GPC5: variants seen among roughly 807,000 people sequenced by gnomAD.
GPC5 encodes glypican 5, also known as glypican-5.
GPC5 carries 47 observed loss-of-function variants against 53.9 expected under a neutral mutation model. The ratio of observed to expected loss-of-function variants is 0.87; its 90% CI spans 0.69 to 1.11. The LOEUF is 1.11. Ranked by LOEUF, GPC5 falls within the 50% of genes most tolerant of loss-of-function variation. The probability of loss-of-function intolerance (pLI) is 0.00; values close to 1 mark genes in which losing one functional copy is unlikely to be tolerated. For synonymous variants in GPC5, 286 were observed against 263.3 expected (o/e 1.09, Z -0.84); for missense variants, 748 against 713.1 (o/e 1.05, Z -0.56).
intron 2 of GPC5, among the ~76,000 whole-genome samples, chr13:91,641,822 A>G (rs1430472332): frequency 2.0e-5 from 3 of 152,336 alleles, no homozygotes; most frequent in Non-Finnish European, 2.9e-5. Context: ...AGCTATAGGG[A>G]ACACTGAGTT....
At chr13:92,157,435 G>T (rs1402089185) in intron 7 of GPC5, among the ~76,000 whole-genome samples, 1 of 152,098 alleles carries the variant, frequency 6.6e-6, no homozygotes, top group Admixed American at 6.5e-5. Flanking sequence ...TGAAAGTTAG[G>T]CTGCTTCCCT....
chr13:92,210,067 T>C (rs1190959920), intron 7 of GPC5, among the ~76,000 whole-genome samples: 2 of 152,106 alleles, frequency 1.3e-5, no homozygotes, highest in Non-Finnish European at 2.9e-5. Context: ...CCCACCCAGA[T>C]TGAGGGTGGA....
chr13:92,852,006 T>A (rs1373152099), intron 7 of GPC5, among the ~76,000 whole-genome samples: 4 of 151,480 alleles, frequency 2.6e-5, no homozygotes, highest in Admixed American at 6.6e-5. Flanking sequence ...CCAAAATGCA[T>A]GAAACAGAAA....
At chr13:92,142,856 G>A (rs2041841337) in intron 6 of GPC5, among the ~76,000 whole-genome samples, 1 of 152,130 alleles carries the variant, frequency 6.6e-6, no homozygotes, top group African/African-American at 2.4e-5. Context: ...AAAGAAAGCA[G>A]CATATCACCA....
At chr13:92,003,076 C>T (rs2040570230) in intron 6 of GPC5, among the ~76,000 whole-genome samples, 1 of 152,016 alleles carries the variant, frequency 6.6e-6, no homozygotes, top group Non-Finnish European at 1.5e-5. Flanking sequence ...TTTGGGAGGC[C>T]AAGGCGGGTG....
intron 7 of GPC5, among the ~76,000 whole-genome samples, chr13:92,746,990 TTAC>T (rs1244186222): frequency 2.0e-5 from 3 of 152,124 alleles, no homozygotes; most frequent in Non-Finnish European, 2.9e-5. Context: ...ATACAGCAAG[TTAC>T]TACATTACAT....
chr13:91,800,247 A>T (rs1261044841), intron 5 of GPC5, among the ~76,000 whole-genome samples: 1 of 152,154 alleles, frequency 6.6e-6, no homozygotes, highest in African/African-American at 2.4e-5. Flanking sequence ...AAAAATAAAG[A>T]CACAATATTT....
At chr13:92,843,292 C>G (rs1037725551) in intron 7 of GPC5, among the ~76,000 whole-genome samples, 1 of 152,134 alleles carries the variant, frequency 6.6e-6, no homozygotes, top group Non-Finnish European at 1.5e-5. Context: ...TAAACAATCC[C>G]TTAGAAACAT....
intron 7 of GPC5, among the ~76,000 whole-genome samples, chr13:92,577,945 G>A (rs2139049427): frequency 6.6e-6 from 1 of 152,258 alleles, no homozygotes; most frequent in South Asian, 2.1e-4. Context: ...ATTATTTTAG[G>A]CTTTTTAAAA....
chr13:91,918,995 A>T (rs2039685610), intron 6 of GPC5, among the ~76,000 whole-genome samples: 1 of 152,164 alleles, frequency 6.6e-6, no homozygotes, highest in Admixed American at 6.5e-5. Context: ...GTATTGGGTT[A>T]GCAAACTGAA....
chr13:92,591,650 A>G (rs894813789), intron 7 of GPC5, among the ~76,000 whole-genome samples: 1 of 152,138 alleles, frequency 6.6e-6, no homozygotes, highest in Admixed American at 6.5e-5. Context: ...ATATATCATC[A>G]TTAGTTATAG....
intron 6 of GPC5, among the ~76,000 whole-genome samples, chr13:91,973,640 T>A (rs1333991677): frequency 2.0e-5 from 3 of 151,050 alleles, no homozygotes; most frequent in South Asian, 2.1e-4. Context: ...TACAGATGGG[T>A]TTTTGGTGTG....
chr13:92,592,354 C>CAAAG (rs1438155676), intron 7 of GPC5, among the ~76,000 whole-genome samples: 11 of 151,614 alleles, frequency 7.3e-5, no homozygotes, highest in Non-Finnish European at 1.0e-4. Context: ...TCTAAGAAGT[C>CAAAG]AAAGAAAGAA....
At chr13:91,552,834 A>G (rs1832188) in intron 2 of GPC5, among the ~76,000 whole-genome samples, 130,787 of 152,046 alleles carry the variant, frequency 0.86, 57,630 homozygotes, top group East Asian at 1. Flanking sequence ...CAGTTTTGGG[A>G]CCAGTTTATG....
At chr13:92,354,375 C>T (rs1251801238) in intron 7 of GPC5, among the ~76,000 whole-genome samples, 2 of 152,168 alleles carry the variant, frequency 1.3e-5, no homozygotes, top group Admixed American at 6.5e-5. Flanking sequence ...ACAAGTTTTG[C>T]TCCTTTTCCC....
chr13:91,805,556 C>T (rs1398440946), intron 5 of GPC5, among the ~76,000 whole-genome samples: 1 of 152,102 alleles, frequency 6.6e-6, no homozygotes, highest in Non-Finnish European at 1.5e-5. Context: ...CTAGAACATA[C>T]CCAGGAGTCT....
intron 7 of GPC5, among the ~76,000 whole-genome samples, chr13:92,764,580 AAGG>A (rs926672496): frequency 2.6e-5 from 4 of 152,256 alleles, no homozygotes; most frequent in African/African-American, 9.6e-5. Context: ...TTTTCCCTGC[AAGG>A]AGAAGTTGCT....
intron 7 of GPC5, among the ~76,000 whole-genome samples, chr13:92,193,474 T>TTCCTATATTGGATAATAGATGAGAGAA (rs1365086104): frequency 1.3e-5 from 2 of 152,308 alleles, no homozygotes; most frequent in East Asian, 3.9e-4. Flanking sequence ...CCCAGAGAGT[T>TTCCTATATTGGATAATAGATGAGAGAA]TCCTATATTG....
intron 2 of GPC5, among the ~76,000 whole-genome samples, chr13:91,571,772 T>TATATACACACATATACGTGTGTGTATAC (rs1566515092): frequency 5.9e-5 from 8 of 135,418 alleles, no homozygotes; most frequent in East Asian, 2.1e-4. Flanking sequence ...TGTATGTGTA[T>TATATACACACATATACGTGTGTGTATAC]ATACACACAC....
Sources: allele counts gnomAD v4.1 joint callset (sites outside exome capture counted in the v4.1 genomes callset), GRCh38; gene constraint gnomAD v4.1.1; transcripts MANE v1.5; gene names NCBI Gene and HGNC (gene_info 2026-07-23, HGNC 2026-07-21).